Variants in CIMIP1 observed in about 807,000 individuals in gnomAD.
CIMIP1 encodes the protein ciliary microtubule inner protein 1, also known as low in lung cancer 1.
the CIMIP1 span, among the ~76,000 whole-genome samples, chr20:58,158,564 G>A: frequency 2.0e-5 from 3 of 151,918 alleles, no homozygotes; most frequent in Non-Finnish European, 2.9e-5. Context: ...GCAGGAGAAC[G>A]ACGTGAACCC....
the CIMIP1 span, among the ~76,000 whole-genome samples, chr20:58,158,635 G>A: frequency 6.6e-6 from 1 of 151,380 alleles, no homozygotes; most frequent in Non-Finnish European, 1.5e-5. Context: ...GGGCGACAGA[G>A]TAAGACTCCG....
chr20:58,160,646 G>C, the CIMIP1 span: 1 of 1,609,708 alleles, frequency 6.2e-7, no homozygotes, highest in Non-Finnish European at 8.5e-7. Context: ...TAAATCCCCT[G>C]TATTTCCATT....
chr20:58,150,925 A>T, the CIMIP1 span: 109 of 1,576,174 alleles, frequency 6.9e-5, no homozygotes, highest in Middle Eastern at 1.7e-4. Context: ...CGCTGAGCCC[A>T]GGGCCAGAGC....
the CIMIP1 span, among the ~76,000 whole-genome samples, chr20:58,153,068 C>T: frequency 1.3e-5 from 2 of 152,146 alleles, no homozygotes; most frequent in Non-Finnish European, 2.9e-5. Context: ...ACAATATTAG[C>T]ATGGAGCAAA....
the CIMIP1 span, chr20:58,153,532 T>A: frequency 6.2e-7 from 1 of 1,613,406 alleles, no homozygotes; most frequent in Non-Finnish European, 8.5e-7. Context: ...ACTCAGGAAC[T>A]TTCTTTTTCA....
the CIMIP1 span, among the ~76,000 whole-genome samples, chr20:58,155,109 T>G: frequency 6.6e-6 from 1 of 152,358 alleles, no homozygotes; most frequent in South Asian, 2.1e-4. Context: ...CTCAACCCTT[T>G]TTGGCATTTT....
the CIMIP1 span, among the ~76,000 whole-genome samples, chr20:58,152,708 A>C: frequency 6.9e-6 from 1 of 144,322 alleles, no homozygotes; most frequent in Non-Finnish European, 1.5e-5. Flanking sequence ...GGCAAAAAAA[A>C]GGCGAAACTC....
chr20:58,158,575 G>C, the CIMIP1 span, among the ~76,000 whole-genome samples: 2 of 152,122 alleles, frequency 1.3e-5, no homozygotes, highest in Admixed American at 6.5e-5. Flanking sequence ...ACGTGAACCC[G>C]GGAGGTGCAG....
the CIMIP1 span, among the ~76,000 whole-genome samples, chr20:58,159,151 AG>A: frequency 2.1e-5 from 3 of 146,076 alleles, no homozygotes; most frequent in Admixed American, 2.0e-4. Flanking sequence ...GTAGATTGTT[AG>A]GTCAAAGAGT....
At chr20:58,150,969 C>A in the CIMIP1 span, 1 of 1,605,738 alleles carries the variant, frequency 6.2e-7, no homozygotes, top group Non-Finnish European at 8.5e-7. Flanking sequence ...GGCCTCATGG[C>A]GCAGAAACCT....
At chr20:58,152,506 C>T in the CIMIP1 span, among the ~76,000 whole-genome samples, 2 of 151,834 alleles carry the variant, frequency 1.3e-5, no homozygotes, top group African/African-American at 2.4e-5. Flanking sequence ...TTTGGGAGGC[C>T]GAGGCCAGGA....
the CIMIP1 span, chr20:58,155,618 A>C: frequency 6.7e-7 from 1 of 1,496,170 alleles, no homozygotes. Flanking sequence ...TCATTTTCCT[A>C]AGTAAGAAAT....
the CIMIP1 span, among the ~76,000 whole-genome samples, chr20:58,151,618 T>TTGA: frequency 6.6e-6 from 1 of 152,112 alleles, no homozygotes; most frequent in Non-Finnish European, 1.5e-5. Flanking sequence ...TTTCACCATC[T>TTGA]TGGCCAGGCA....
At chr20:58,155,667 C>T in the CIMIP1 span, 20 of 989,160 alleles carry the variant, frequency 2.0e-5, no homozygotes, top group Admixed American at 4.3e-4. Context: ...ATGTGCAAAG[C>T]CAGCACTGAA....
the CIMIP1 span, chr20:58,160,790 G>A: frequency 6.2e-7 from 1 of 1,613,526 alleles, no homozygotes; most frequent in South Asian, 1.1e-5. Context: ...TTTTGCACGA[G>A]AGCTGTGCTG....
the CIMIP1 span, chr20:58,160,994 C>A: frequency 1.7e-6 from 1 of 601,474 alleles, no homozygotes; most frequent in Non-Finnish European, 2.7e-6. Context: ...AAGTCATCAG[C>A]GTCACCCTTC....
At chr20:58,157,525 T>C in the CIMIP1 span, among the ~76,000 whole-genome samples, 2 of 152,240 alleles carry the variant, frequency 1.3e-5, no homozygotes, top group South Asian at 2.1e-4. Context: ...ATCTCATTTT[T>C]CCACCTAACA....
chr20:58,160,732 G>A, the CIMIP1 span: 1 of 1,614,158 alleles, frequency 6.2e-7, no homozygotes, highest in Non-Finnish European at 8.5e-7. Context: ...TGCCAGGCCT[G>A]AACAAGTGCC....
the CIMIP1 span, chr20:58,160,868 G>C: frequency 6.4e-7 from 1 of 1,574,218 alleles, no homozygotes; most frequent in Non-Finnish European, 8.6e-7. Context: ...CGGTCACCAG[G>C]CACCCAGGGC....
Sources: gnomAD v4.1 joint callset for allele counts (sites outside exome capture counted in the v4.1 genomes callset) on GRCh38, gnomAD v4.1.1 for gene constraint, MANE v1.5 for transcripts, NCBI Gene and HGNC (gene_info 2026-07-23, HGNC 2026-07-21) for gene names.